DOCK2: variants seen among roughly 807,000 people sequenced by gnomAD.
The protein encoded by DOCK2 is dedicator of cytokinesis protein 2.
A neutral mutation model predicts 248.9 loss-of-function variants in DOCK2; 87 were observed. The observed-to-expected ratio is 0.35, with a 90% CI of 0.29 to 0.42. The LOEUF is 0.42. DOCK2 is among the 10% of genes least tolerant of loss of function. The pLI is 1.00. For synonymous variants in DOCK2, 805 were observed against 821.6 expected (o/e 0.98, Z 0.35); for missense variants, 1,747 against 2,300.2 (o/e 0.76, Z 4.92).
In DOCK2 at chr5:169,823,192, C is replaced by T. The variant is rs531872300; in HGVS notation, c.2704-17565C>T. On this transcript the variant is annotated intron_variant, in intron 26 of 51. Transcript: ENST00000520908. ...TCACAGCCAAATTCTACCAGAGGTACAAGGAGGAGCTGATACCATTCCTTC... is the reference window on the plus strand; with the variant it reads ...TCACAGCCAAATTCTACCAGAGGTATAAGGAGGAGCTGATACCATTCCTTC... 2.0e-5 allele frequency among the ~76,000 whole-genome samples: 3 copies of T among 152,262 alleles called. No individual in the cohort carries two copies. The South Asian group carries it at 6.2e-4, about 32-fold the overall frequency.
intron 27 of DOCK2, among the ~76,000 whole-genome samples, chr5:169,858,648 G>A (rs1019269370): frequency 1.3e-5 from 2 of 152,194 alleles, no homozygotes; most frequent in African/African-American, 4.8e-5. Flanking sequence ...AGAGTGTAAT[G>A]TTATTCCCAT....
chr5:169,813,845 A>T (rs1213338546), intron 26 of DOCK2, among the ~76,000 whole-genome samples: 2 of 152,174 alleles, frequency 1.3e-5, no homozygotes, highest in Non-Finnish European at 2.9e-5. Context: ...AGGGGTGGGG[A>T]CAATGAGTTG....
intron 1 of DOCK2, among the ~76,000 whole-genome samples, chr5:169,644,730 C>T (rs1174378951): frequency 4.0e-5 from 6 of 151,724 alleles, no homozygotes; most frequent in South Asian, 2.1e-4. Flanking sequence ...CCTATCTTCC[C>T]GTCATCTAGG....
In DOCK2 at chr5:170,057,661, T is replaced by C; in HGVS notation, c.4462T>C (p.Ser1488Pro). The change falls in exon 44 of 52, where the codon TCG becomes CCG. Residue 1488 changes from serine to proline, a missense_variant. Physicochemically the swap from Ser to Pro is moderately conservative, Grantham distance 74 (BLOSUM62 -1). This residue lies in a region of DOCK2 where 513 missense variants were observed against 586.1 expected (regional missense o/e 0.88). Transcript: ENST00000520908. The stretch of plus-strand genomic sequence containing the variant: ...GCGCTGGTTTGAGGTGGTGCACATG[T>C]CGCAGGTGAGTCTGGGACATTCGTG... ...ILRWFEVVHM[S>P]QTTISPLENA... 1 of 1,610,126 alleles carries C rather than the reference T, an allele frequency of 6.2e-7. No homozygotes were observed. The highest frequency in any genetic ancestry group is 8.5e-7 in the Non-Finnish European group (1 of 1,177,492).
At chr5:169,852,839 T>C (rs534953529) in intron 27 of DOCK2, among the ~76,000 whole-genome samples, 10 of 152,318 alleles carry the variant, frequency 6.6e-5, no homozygotes, top group South Asian at 2.1e-4. Context: ...AGAAAGCCTC[T>C]GTGAAATACA....
rs912312328 is a variant in DOCK2, at chr5:170,067,403, A to C, written c.4468-107A>C. The C allele has an allele frequency of 1.4e-5, 16 of 1,168,774 alleles. No individual in the cohort carries two copies. The African/African-American group carries it at 2.5e-4, about 18-fold the overall frequency. 72.4% of individuals were successfully genotyped at this position (1,168,774 alleles called of 1,614,324 possible). ...ATCCTGTTACAGCCCCTTAGGGAGCATTGCCTCATTTGAATTCCCACCCCA... is the reference window on the plus strand; with the variant it reads ...ATCCTGTTACAGCCCCTTAGGGAGCCTTGCCTCATTTGAATTCCCACCCCA... On this transcript the variant is annotated intron_variant, in intron 44 of 51. Coordinates refer to ENST00000520908, the MANE Select transcript of DOCK2 (RefSeq NM_004946.3).
chr5:169,780,598 C>T (rs1009780194), intron 25 of DOCK2, among the ~76,000 whole-genome samples: 6 of 152,152 alleles, frequency 3.9e-5, no homozygotes, highest in Admixed American at 1.3e-4. Flanking sequence ...CTTGTGCTTA[C>T]GTAACACCAG....
At chr5:170,076,134 C>T (rs1757831562) in intron 47 of DOCK2, 50 bp downstream of exon 47, 2 of 1,589,034 alleles carry the variant, frequency 1.3e-6, no homozygotes, top group Non-Finnish European at 1.7e-6. Context: ...CAGGGTGGGG[C>T]AGGGAAGCAT....
At chr5:169,794,706 C>T (rs1766541763) in intron 25 of DOCK2, among the ~76,000 whole-genome samples, 1 of 152,106 alleles carries the variant, frequency 6.6e-6, no homozygotes, top group Non-Finnish European at 1.5e-5. Flanking sequence ...GGGCGGATCA[C>T]GAGGTCAGGA....
intron 27 of DOCK2, among the ~76,000 whole-genome samples, chr5:169,868,401 A>G (rs1465157972): frequency 6.6e-6 from 1 of 152,236 alleles, no homozygotes; most frequent in Non-Finnish European, 1.5e-5. Flanking sequence ...CATAATTCAA[A>G]TAAACAAACA....
chr5:170,078,837 A>G, intron 48 of DOCK2, 138 bp from the exon 49 acceptor site: 1 of 870,876 alleles, frequency 1.1e-6, no homozygotes, highest in South Asian at 1.7e-5. Context: ...ATCCTCTGCC[A>G]GATTTGCTGA....
At position 170,083,161 on chromosome 5, in the gene DOCK2, C is replaced by T. The variant is rs1209936582; in HGVS notation, c.*303C>T. 9.0e-6 allele frequency: 3 copies of T among 332,382 alleles called. No individual in the cohort carries two copies. The highest frequency in any genetic ancestry group is 1.6e-5 in the Non-Finnish European group (3 of 182,070). The allele number at this position is 332,382 out of a possible 1,614,324, so 20.6% of individuals were successfully genotyped here. Reference sequence around the variant, plus strand: ...ACATCCTAGGCACAGCTTTCATAACCCAGTTTCTTAGGTGTAAGAAACTGT... The same window carrying T: ...ACATCCTAGGCACAGCTTTCATAACTCAGTTTCTTAGGTGTAAGAAACTGT... On this transcript the variant is annotated 3_prime_UTR_variant, in exon 52 of 52. Coordinates refer to ENST00000520908, the MANE Select transcript of DOCK2 (RefSeq NM_004946.3).
chr5:169,899,952 C>T (rs1322732186), intron 27 of DOCK2, among the ~76,000 whole-genome samples: 2 of 152,214 alleles, frequency 1.3e-5, no homozygotes, highest in Non-Finnish European at 2.9e-5. Flanking sequence ...TCATTTCCTT[C>T]CACTAAGATC....
chr5:169,997,203 T>C (rs1438564759), intron 30 of DOCK2, among the ~76,000 whole-genome samples: 1 of 142,374 alleles, frequency 7.0e-6, no homozygotes, highest in African/African-American at 2.8e-5. Flanking sequence ...TGCATACACA[T>C]AGACATCTCA....
chr5:169,881,956 G>A (rs1043821282), intron 27 of DOCK2, among the ~76,000 whole-genome samples: 1 of 152,140 alleles, frequency 6.6e-6, no homozygotes, highest in Non-Finnish European at 1.5e-5. Context: ...CTCCTATACT[G>A]GTGCTGAGTC....
intron 26 of DOCK2, among the ~76,000 whole-genome samples, chr5:169,817,588 TA>T (rs1387685785): frequency 1.3e-5 from 2 of 152,256 alleles, no homozygotes; most frequent in Non-Finnish European, 2.9e-5. Flanking sequence ...TTTCTTTGAA[TA>T]GTTAAATCAT....
chr5:170,035,226 T>C (rs773329463), intron 35 of DOCK2, among the ~76,000 whole-genome samples: 1 of 152,168 alleles, frequency 6.6e-6, no homozygotes, highest in South Asian at 2.1e-4. Flanking sequence ...GCAGCCATAA[T>C]GCTTCATATT....
chr5:169,865,473 G>A (rs148539187), intron 27 of DOCK2, among the ~76,000 whole-genome samples: 71 of 152,272 alleles, frequency 4.7e-4, no homozygotes, highest in Non-Finnish European at 8.1e-4. Flanking sequence ...CCAGAGAGCC[G>A]GGGCAGAAAA....
intron 6 of DOCK2, among the ~76,000 whole-genome samples, chr5:169,675,856 C>G (rs1382431752): frequency 6.6e-6 from 1 of 152,254 alleles, no homozygotes; most frequent in Non-Finnish European, 1.5e-5. Context: ...CTCCAACTCA[C>G]AGCTGGTCTC....
Sources: allele counts gnomAD v4.1 joint callset (sites outside exome capture counted in the v4.1 genomes callset), GRCh38; gene constraint gnomAD v4.1.1; regional missense constraint gnomAD v4.1.1; transcripts MANE v1.5; gene names NCBI Gene and HGNC (gene_info 2026-07-23, HGNC 2026-07-21).